Variants in GPD2 observed in about 807,000 individuals in gnomAD.
GPD2 encodes the protein glycerol-3-phosphate dehydrogenase, mitochondrial.
GPD2 carries 54 observed loss-of-function variants against 82.4 expected under a neutral mutation model. The ratio of observed to expected loss-of-function variants is 0.66; its 90% CI spans 0.53 to 0.82. GPD2 has a LOEUF of 0.82. Among genes scored for constraint, GPD2 ranks in the 40% least tolerant of loss-of-function variants. The probability of loss-of-function intolerance (pLI) is 0.00; values close to 1 mark genes in which losing one functional copy is unlikely to be tolerated. For synonymous variants in GPD2, 288 were observed against 306.1 expected (o/e 0.94, Z 0.62); for missense variants, 748 against 896.2 (o/e 0.83, Z 2.11).
intron 6 of GPD2, among the ~76,000 whole-genome samples, chr2:156,542,832 TCTC>T (rs1231165602): frequency 6.6e-6 from 1 of 152,160 alleles, no homozygotes; most frequent in African/African-American, 2.4e-5. Context: ...AGGGATTTGT[TCTC>T]CTCTGTTTTT....
At chr2:156,481,728 A>C (rs1683740722) in intron 2 of GPD2, among the ~76,000 whole-genome samples, 1 of 150,968 alleles carries the variant, frequency 6.6e-6, no homozygotes, top group Non-Finnish European at 1.5e-5. Flanking sequence ...AAGTTCACCC[A>C]CCTCGGCCCC....
At chr2:156,540,786 T>C (rs960438604) in intron 6 of GPD2, among the ~76,000 whole-genome samples, 2 of 152,192 alleles carry the variant, frequency 1.3e-5, no homozygotes, top group African/African-American at 4.8e-5. Flanking sequence ...AAAAAGAATC[T>C]TATTTTTCAG....
At chr2:156,554,165 T>G (rs1686874245) in intron 8 of GPD2, among the ~76,000 whole-genome samples, 2 of 152,230 alleles carry the variant, frequency 1.3e-5, no homozygotes, top group Admixed American at 1.3e-4. Flanking sequence ...GTGGTTTTCC[T>G]CTTCCTATCA....
At chr2:156,439,407 C>T (rs1337624072) in intron 1 of GPD2, among the ~76,000 whole-genome samples, 1 of 145,928 alleles carries the variant, frequency 6.9e-6, no homozygotes, top group African/African-American at 2.5e-5. Context: ...ACATGGAAAC[C>T]CCATCTTTAC....
intron 1 of GPD2, chr2:156,473,559 T>C (rs1167795221): frequency 1.3e-5 from 2 of 152,288 alleles, no homozygotes; most frequent in Middle Eastern, 3.4e-3. Context: ...ACAGAAGCAA[T>C]GATAAGTCAA....
chr2:156,426,209 C>A, the GPD2 span, among the ~76,000 whole-genome samples: 80 of 152,340 alleles, frequency 5.3e-4, no homozygotes, highest in Admixed American at 2.0e-3. Context: ...AGGCGTGAGC[C>A]ACCACGCCCG....
chr2:156,438,451 A>G (rs2105133058), intron 1 of GPD2, among the ~76,000 whole-genome samples: 1 of 152,354 alleles, frequency 6.6e-6, no homozygotes, highest in South Asian at 2.1e-4. Context: ...GAATTCTTGC[A>G]TGTTGTGCAT....
rs1429520016 is a variant in GPD2, at chr2:156,584,682, T to G, written c.*1764T>G. The G allele has an allele frequency of 6.6e-6, 1 of 152,552 alleles. No individual in the cohort carries two copies. Among genetic ancestry groups the G allele is most frequent in the Admixed American group, 6.6e-5 (1 of 15,248 alleles). 9.4% of individuals were successfully genotyped at this position (152,552 alleles called of 1,614,324 possible). A position where few individuals can be genotyped will look rare whatever the true frequency, so the allele number is the denominator to read the frequency against. On this transcript the variant is annotated 3_prime_UTR_variant, in exon 17 of 17. Transcript: ENST00000438166. ...GAACTTTTTTCTTTCAAAGTGTGAATTTTTACACTGGCTTTTTCATTTTTT... is the reference window on the plus strand; with the variant it reads ...GAACTTTTTTCTTTCAAAGTGTGAAGTTTTACACTGGCTTTTTCATTTTTT...
At chr2:156,525,520 T>C (rs770584346) in intron 6 of GPD2, among the ~76,000 whole-genome samples, 4 of 152,152 alleles carry the variant, frequency 2.6e-5, no homozygotes, top group Admixed American at 6.6e-5. Flanking sequence ...TAGAAAAAAT[T>C]AGGAAAAAAA....
At chr2:156,504,939 A>G (rs1186643049) in intron 3 of GPD2, among the ~76,000 whole-genome samples, 1 of 152,140 alleles carries the variant, frequency 6.6e-6, no homozygotes, top group African/African-American at 2.4e-5. Flanking sequence ...GAGTGGTGTG[A>G]TTACAGGAGA....
chr2:156,416,977 T>C, the GPD2 span, among the ~76,000 whole-genome samples: 1 of 152,168 alleles, frequency 6.6e-6, no homozygotes. Context: ...AATTTAAATT[T>C]AAATTTAAAA....
In GPD2 at chr2:156,496,056, T is replaced by C. The variant is rs1161751017; in HGVS notation, c.115T>C (p.Tyr39His). 2 of 1,612,062 alleles carry C rather than the reference T, an allele frequency of 1.2e-6. No individual in the cohort carries two copies. Among genetic ancestry groups the C allele is most frequent in the African/African-American group, 1.3e-5 (1 of 74,850 alleles). The change falls in exon 3 of 17, where the codon TAT becomes CAT. Residue 39 changes from tyrosine to histidine, a missense_variant. Transcript: ENST00000438166. The stretch of plus-strand genomic sequence containing the variant: ...GCTTTTACATCAGATGAACCTGGCC[T>C]ATGTTAAAGCAGCAGACTGCATTTC... ...HYRRKQMNLA[Y>H]VKAADCISEP...
chr2:156,583,559 CAA>C lies in GPD2; in HGVS notation c.*643_*644del, dbSNP rs1484781874. On this transcript the variant is annotated 3_prime_UTR_variant, in exon 17 of 17. Coordinates refer to ENST00000438166, the MANE Select transcript of GPD2 (RefSeq NM_000408.5). ...TAGATCTGGTTACTGGAGCAAGTCT[CAA>C]AGAGAAACTCTGAAAGCTTCCAGAA... 6.4e-6 allele frequency: 1 copy of C among 156,244 alleles called. No homozygotes were observed. The highest frequency in any genetic ancestry group is 1.4e-5 in the Non-Finnish European group (1 of 70,272). 9.7% of individuals were successfully genotyped at this position (156,244 alleles called of 1,614,324 possible).
At chr2:156,508,494 T>C (rs532999924) in intron 3 of GPD2, among the ~76,000 whole-genome samples, 1 of 152,222 alleles carries the variant, frequency 6.6e-6, no homozygotes, top group African/African-American at 2.4e-5. Context: ...CTGTCTACCA[T>C]AGCCTGTAGG....
At chr2:156,557,845 C>T (rs1366036820) in intron 9 of GPD2, among the ~76,000 whole-genome samples, 1 of 152,208 alleles carries the variant, frequency 6.6e-6, no homozygotes, top group Non-Finnish European at 1.5e-5. Context: ...CCCTCTAGCT[C>T]TGAACACTCA....
At chr2:156,558,583 A>G (rs1687047360) in intron 9 of GPD2, among the ~76,000 whole-genome samples, 1 of 151,808 alleles carries the variant, frequency 6.6e-6, no homozygotes, top group Non-Finnish European at 1.5e-5. Flanking sequence ...CTTGCATGAA[A>G]CATAAAGCTT....
upstream of GPD2, among the ~76,000 whole-genome samples, chr2:156,430,299 A>G (rs1688303241): frequency 6.6e-6 from 1 of 152,176 alleles, no homozygotes; most frequent in Non-Finnish European, 1.5e-5. Flanking sequence ...ATTACTTAAT[A>G]GGTTTGTACC....
chr2:156,408,778 C>T, the GPD2 span, among the ~76,000 whole-genome samples: 1 of 150,494 alleles, frequency 6.6e-6, no homozygotes, highest in African/African-American at 2.4e-5. Flanking sequence ...ATCTTGGCTG[C>T]TGGGTGAAGT....
At chr2:156,474,367 G>A (rs180703511) in intron 1 of GPD2, among the ~76,000 whole-genome samples, 114 of 152,204 alleles carry the variant, frequency 7.5e-4, no homozygotes, top group African/African-American at 2.4e-3. Context: ...ATATTTAACC[G>A]TATCATAATT....
Sources: allele counts gnomAD v4.1 joint callset (sites outside exome capture counted in the v4.1 genomes callset), GRCh38; gene constraint gnomAD v4.1.1; transcripts MANE v1.5; gene names NCBI Gene and HGNC (gene_info 2026-07-23, HGNC 2026-07-21).